SGCD: variants seen among roughly 807,000 people sequenced by gnomAD.
The protein encoded by SGCD is delta-sarcoglycan.
In SGCD, 18 loss-of-function variants were observed where a neutral mutation model predicts 36.6. The observed-to-expected ratio is 0.49, with a 90% CI of 0.34 to 0.73. The LOEUF (loss-of-function observed/expected upper bound fraction) is 0.73, where lower values mean the gene tolerates loss of function less well. Among genes scored for constraint, SGCD ranks in the 30% least tolerant of loss-of-function variants. The pLI is 0.01. For missense variants in SGCD, 387 were observed against 346.7 expected (o/e 1.12, Z -0.92); for synonymous variants, 133 against 130.6 (o/e 1.02, Z -0.12).
chr5:156,286,062 C>A lies in SGCD; in HGVS notation c.-43-43472C>A, dbSNP rs557034151. Among the ~76,000 whole-genome samples, 4 of 152,260 alleles carry A rather than the reference C, an allele frequency of 2.6e-5. No individual in the cohort carries two copies. In the South Asian group the frequency reaches 8.3e-4, roughly 32 times the overall value. ...AGAAGACATTTATGCAGCCAAAAGACACATCAAAAAATGCTCATCAGCACT... is the reference window on the plus strand; with the variant it reads ...AGAAGACATTTATGCAGCCAAAAGAAACATCAAAAAATGCTCATCAGCACT... On this transcript the variant is annotated intron_variant, in intron 3 of 9. Transcript: ENST00000517913.
At chr5:156,623,183 A>G (rs1410378676) in intron 6 of SGCD, among the ~76,000 whole-genome samples, 1 of 152,168 alleles carries the variant, frequency 6.6e-6, no homozygotes, top group Non-Finnish European at 1.5e-5. Flanking sequence ...ATGTACATGA[A>G]TCTCTTTTAG....
the SGCD span, among the ~76,000 whole-genome samples, chr5:155,796,340 C>T: frequency 6.6e-6 from 1 of 152,026 alleles, no homozygotes; most frequent in Non-Finnish European, 1.5e-5. Context: ...ATACCTCACA[C>T]TCTAAATAAT....
chr5:156,718,498 G>A (rs1294644192), intron 7 of SGCD, among the ~76,000 whole-genome samples: 1 of 152,078 alleles, frequency 6.6e-6, no homozygotes, highest in Admixed American at 6.6e-5. Flanking sequence ...AGGGATAATA[G>A]GCCAGGCTCA....
the SGCD span, among the ~76,000 whole-genome samples, chr5:155,847,973 T>C: frequency 6.6e-6 from 1 of 152,236 alleles, no homozygotes; most frequent in Admixed American, 6.5e-5. Flanking sequence ...GTGAATGATA[T>C]ATTCTTTGAA....
At chr5:156,365,771 C>CTATA (rs147504894) in intron 3 of SGCD, among the ~76,000 whole-genome samples, 24,380 of 151,868 alleles carry the variant, frequency 0.16, 2,878 homozygotes, top group African/African-American at 0.33. Context: ...ACATGTATGT[C>CTATA]TATATTTCCA....
chr5:156,175,532 A>T lies in SGCD; in HGVS notation c.-44+51513A>T, dbSNP rs373837827. Among the ~76,000 whole-genome samples, 13 of 152,308 alleles carry T rather than the reference A, an allele frequency of 8.5e-5. No individual in the cohort carries two copies. In the South Asian group the frequency reaches 2.7e-3, roughly 32 times the overall value. On this transcript the variant is annotated intron_variant, in intron 3 of 9. Transcript: ENST00000517913. ...TTTTTATCAATCCCATTCTTTACTT[A>T]GCCTCTTGCAAAGAATATTATGCAA...
At chr5:156,646,365 T>C (rs1392772958) in intron 6 of SGCD, among the ~76,000 whole-genome samples, 2 of 152,198 alleles carry the variant, frequency 1.3e-5, no homozygotes, top group African/African-American at 4.8e-5. Context: ...AATAATTTAA[T>C]ACTCCCATAG....
At chr5:156,329,427 G>C in intron 1 of SGCD, 107 bp from the exon 2 acceptor site, 2 of 801,750 alleles carry the variant, frequency 2.5e-6, no homozygotes, top group Non-Finnish European at 4.3e-6. Context: ...GAAGTAATCA[G>C]AAAGCACATT....
At chr5:156,573,382 A>T (rs1161799685) in intron 4 of SGCD, among the ~76,000 whole-genome samples, 1 of 152,066 alleles carries the variant, frequency 6.6e-6, no homozygotes, top group Admixed American at 6.6e-5. Context: ...GAATACCCTC[A>T]TTTTTGCCTG....
chr5:155,875,202 C>T (rs143944721), intron 1 of SGCD, among the ~76,000 whole-genome samples: 1 of 152,184 alleles, frequency 6.6e-6, no homozygotes, highest in African/African-American at 2.4e-5. Flanking sequence ...TCAGAAAATG[C>T]AAGCTAACCC....
chr5:156,617,947 G>A (rs2113485234), intron 6 of SGCD, among the ~76,000 whole-genome samples: 1 of 152,302 alleles, frequency 6.6e-6, no homozygotes, highest in South Asian at 2.1e-4. Flanking sequence ...ACACTTACCA[G>A]CCACGTGAAG....
chr5:156,011,381 A>G (rs979090287), intron 1 of SGCD, among the ~76,000 whole-genome samples: 3 of 152,122 alleles, frequency 2.0e-5, no homozygotes, highest in Admixed American at 2.0e-4. Flanking sequence ...TGAGAGATAT[A>G]TACAGGTTGG....
chr5:156,514,327 C>T (rs921869963), intron 4 of SGCD, among the ~76,000 whole-genome samples: 1 of 152,152 alleles, frequency 6.6e-6, no homozygotes, highest in Non-Finnish European at 1.5e-5. Flanking sequence ...TATTAAGCAC[C>T]TATTATTGTT....
At chr5:156,654,034 A>G (rs909390137) in intron 7 of SGCD, among the ~76,000 whole-genome samples, 1 of 152,106 alleles carries the variant, frequency 6.6e-6, no homozygotes, top group Admixed American at 6.6e-5. Flanking sequence ...GCCAAGGGAA[A>G]GCTTCCCTTT....
At chr5:156,691,225 A>AAAAAAAAAAAAAAAG (rs1208953973) in intron 7 of SGCD, among the ~76,000 whole-genome samples, 4 of 150,278 alleles carry the variant, frequency 2.7e-5, no homozygotes, top group African/African-American at 9.8e-5. Context: ...AAAAAAAAAA[A>AAAAAAAAAAAAAAAG]AGAGAGAGAC....
At chr5:156,068,420 A>C (rs566590246) in intron 1 of SGCD, among the ~76,000 whole-genome samples, 1 of 151,854 alleles carries the variant, frequency 6.6e-6, no homozygotes, top group East Asian at 1.9e-4. Flanking sequence ...ATGATTTCCA[A>C]TTTCATCCAT....
At chr5:156,174,584 A>T (rs6556459) in intron 3 of SGCD, among the ~76,000 whole-genome samples, 3,955 of 152,302 alleles carry the variant, frequency 0.026, 181 homozygotes, top group African/African-American at 0.09. Context: ...AAGTACAGAG[A>T]TGAGACAGTT....
At chr5:156,629,855 C>CT (rs560099325) in intron 6 of SGCD, among the ~76,000 whole-genome samples, 7,487 of 85,662 alleles carry the variant, frequency 0.087, 445 homozygotes, top group African/African-American at 0.14. Flanking sequence ...GAGACTTTTT[C>CT]TTTTTTTTTT....
the SGCD span, among the ~76,000 whole-genome samples, chr5:155,754,275 G>C: frequency 6.6e-6 from 1 of 152,202 alleles, no homozygotes; most frequent in South Asian, 2.1e-4. Context: ...AACGAAATGA[G>C]ATATGGGCAT....
Sources: allele counts gnomAD v4.1 joint callset (sites outside exome capture counted in the v4.1 genomes callset), GRCh38; gene constraint gnomAD v4.1.1; transcripts MANE v1.5; gene names NCBI Gene and HGNC (gene_info 2026-07-23, HGNC 2026-07-21).